PTPRQ: variants seen among roughly 807,000 people sequenced by gnomAD.
PTPRQ encodes the protein protein tyrosine phosphatase receptor type Q.
A neutral mutation model predicts 246.0 loss-of-function variants in PTPRQ; 199 were observed. The observed-to-expected ratio is 0.81, with a 90% CI of 0.72 to 0.91. PTPRQ has a LOEUF of 0.91. Ranked by LOEUF, PTPRQ falls within the 40% of genes least tolerant of loss-of-function variation. The pLI is 0.00. For synonymous variants in PTPRQ, 869 were observed against 853.2 expected, an observed-to-expected ratio of 1.02 and a Z score of -0.32; for missense variants, 2,624 against 2,528.4, an observed-to-expected ratio of 1.04 and a Z score of -0.81.
intron 3 of PTPRQ, among the ~76,000 whole-genome samples, chr12:80,450,074 C>A (rs994261154): frequency 1.3e-5 from 2 of 152,066 alleles, no homozygotes; most frequent in Non-Finnish European, 2.9e-5. Context: ...TTGTAGTTCT[C>A]CTTGAAGAGG....
At chr12:80,623,794 G>A (rs1047017532) in intron 33 of PTPRQ, among the ~76,000 whole-genome samples, 5 of 152,094 alleles carry the variant, frequency 3.3e-5, no homozygotes, top group African/African-American at 1.2e-4. Flanking sequence ...TTATCTGAGA[G>A]GCAAAGTTGA....
At chr12:80,484,399 C>CA in intron 8 of PTPRQ, 34 bp from the exon 9 acceptor site, 2 of 1,397,126 alleles carry the variant, frequency 1.4e-6, no homozygotes, top group South Asian at 2.7e-5. Context: ...TTTTAATTTC[C>CA]CCCTTTTCTT....
intron 28 of PTPRQ, among the ~76,000 whole-genome samples, chr12:80,610,867 C>A (rs1214191312): frequency 6.6e-6 from 1 of 150,394 alleles, no homozygotes; most frequent in African/African-American, 2.4e-5. Context: ...AAGGTATCCG[C>A]TGTATTTCTT....
chr12:80,521,236 G>A (rs1185729155), intron 17 of PTPRQ, among the ~76,000 whole-genome samples: 1 of 151,964 alleles, frequency 6.6e-6, no homozygotes, highest in Non-Finnish European at 1.5e-5. Context: ...AATTTTGTTT[G>A]AGTTCTTTGT....
At chr12:80,565,647 A>G (rs1896957025) in intron 25 of PTPRQ, among the ~76,000 whole-genome samples, 1 of 152,202 alleles carries the variant, frequency 6.6e-6, no homozygotes. Flanking sequence ...TCATGGAAAA[A>G]CTTTTACTAA....
Position 80,445,636 on chromosome 12 carries a change from A to T in PTPRQ, c.309A>T (p.Val103=). Residue 103 remains valine (V), a synonymous_variant, in exon 3 of 45, where the codon GTA becomes GTT. Transcript: ENST00000644991. Reference sequence around the variant, plus strand: ...AAGTTTGTCCGTGGATGCAAACAGTATATACACAAGTCAGATCAAAGCCAG... The same window carrying T: ...AAGTTTGTCCGTGGATGCAAACAGTTTATACACAAGTCAGATCAAAGCCAG... ...YKEVCPWMQT[V]YTQVRSKPDS... is the part of the protein sequence containing the mutation. 2 of 1,550,266 alleles carry T rather than the reference A, an allele frequency of 1.3e-6. No individual in the cohort carries two copies. The highest frequency in any genetic ancestry group is 1.7e-6 in the Non-Finnish European group (2 of 1,145,932).
chr12:80,549,594 C>G lies in PTPRQ; in HGVS notation c.4145C>G (p.Thr1382Arg). ...ATGGTAACAGTTGAAAGGAATTCTA[C>G]AAAAGTTTCTCCCCAAGATCACATG... ...QYMVTVERNS[T>R]KVSPQDHMYT... The change falls in exon 25 of 45, where the codon ACA becomes AGA. Residue 1382 changes from threonine (T) to arginine (R), a missense_variant. By Grantham distance (71) the Thr-to-Arg change is moderately conservative. Transcript: ENST00000644991. 1 of 1,551,146 alleles carries G rather than the reference C, an allele frequency of 6.4e-7. No individual in the cohort carries two copies. The highest frequency in any genetic ancestry group is 8.7e-7 in the Non-Finnish European group (1 of 1,146,606).
At chr12:80,499,713 T>C (rs1222102147) in intron 14 of PTPRQ, among the ~76,000 whole-genome samples, 1 of 151,848 alleles carries the variant, frequency 6.6e-6, no homozygotes, top group East Asian at 1.9e-4. Flanking sequence ...TACTAATGCT[T>C]GGAAGTAAAA....
intron 17 of PTPRQ, among the ~76,000 whole-genome samples, chr12:80,521,793 G>A (rs1311776465): frequency 1.3e-5 from 2 of 152,296 alleles, no homozygotes; most frequent in South Asian, 2.1e-4. Flanking sequence ...AAGTCAGGTA[G>A]CGTGATGCCT....
chr12:80,631,832 T>C (rs1303261112), intron 33 of PTPRQ, among the ~76,000 whole-genome samples: 1 of 152,142 alleles, frequency 6.6e-6, no homozygotes, highest in Non-Finnish European at 1.5e-5. Flanking sequence ...GTTTTGGACA[T>C]ATCAATTTAA....
intron 3 of PTPRQ, among the ~76,000 whole-genome samples, chr12:80,456,183 T>C (rs1427155245): frequency 6.6e-6 from 1 of 152,210 alleles, no homozygotes; most frequent in East Asian, 1.9e-4. Flanking sequence ...ATGTTCTTCC[T>C]AGAGGATAAG....
chr12:80,652,156 A>G (rs1375754815), intron 37 of PTPRQ, among the ~76,000 whole-genome samples: 3 of 152,132 alleles, frequency 2.0e-5, no homozygotes, highest in Admixed American at 2.0e-4. Context: ...AGCAAGGTAG[A>G]TAGATAATAT....
chr12:80,555,472 A>C (rs944631869), intron 25 of PTPRQ, among the ~76,000 whole-genome samples: 7 of 152,090 alleles, frequency 4.6e-5, no homozygotes, highest in African/African-American at 1.7e-4. Context: ...TATGGCTACA[A>C]ATTAGTGCAC....
chr12:80,449,824 C>T (rs1423956107), intron 3 of PTPRQ, among the ~76,000 whole-genome samples: 11 of 152,082 alleles, frequency 7.2e-5, no homozygotes, highest in Admixed American at 2.6e-4. Flanking sequence ...CCTCCAGCTT[C>T]GTTCTTTTGG....
At chr12:80,578,481 CCCGGGT>C (rs1178656426) in intron 25 of PTPRQ, among the ~76,000 whole-genome samples, 1 of 152,060 alleles carries the variant, frequency 6.6e-6, no homozygotes, top group Non-Finnish European at 1.5e-5. Flanking sequence ...AGCTCCGCCT[CCCGGGT>C]TCATGCCATT....
intron 14 of PTPRQ, among the ~76,000 whole-genome samples, chr12:80,499,537 A>G (rs1410815346): frequency 6.6e-6 from 1 of 151,958 alleles, no homozygotes; most frequent in African/African-American, 2.4e-5. Flanking sequence ...TATTAAATAC[A>G]GTAATTATAC....
At chr12:80,608,081 A>G (rs1320946984) in intron 27 of PTPRQ, among the ~76,000 whole-genome samples, 2 of 150,890 alleles carry the variant, frequency 1.3e-5, no homozygotes, top group Admixed American at 1.3e-4. Flanking sequence ...GGTTAAATAT[A>G]TTCTAGGACT....
intron 14 of PTPRQ, among the ~76,000 whole-genome samples, chr12:80,501,894 G>GA (rs1217768661): frequency 2.7e-5 from 4 of 149,928 alleles, no homozygotes; most frequent in African/African-American, 9.9e-5. Flanking sequence ...AGATTTTACA[G>GA]AAAAAATAAT....
At chr12:80,649,459 A>T (rs905706542) in intron 36 of PTPRQ, 129 bp from the exon 37 acceptor site, 5 of 1,247,366 alleles carry the variant, frequency 4.0e-6, no homozygotes, top group African/African-American at 3.1e-5. Flanking sequence ...GACTTTAAAA[A>T]GCTGTGTTGT....
Sources: allele counts gnomAD v4.1 joint callset (sites outside exome capture counted in the v4.1 genomes callset), GRCh38; gene constraint gnomAD v4.1.1; transcripts MANE v1.5; gene names NCBI Gene and HGNC (gene_info 2026-07-23, HGNC 2026-07-21).